PARD3B: variants seen among roughly 807,000 people sequenced by gnomAD.
PARD3B encodes partitioning defective 3 homolog B.
PARD3B carries 103 observed loss-of-function variants against 130.2 expected under a neutral mutation model. That is an observed-to-expected ratio of 0.79 (90% confidence interval 0.67 to 0.93). PARD3B has a LOEUF of 0.93. Ranked by LOEUF, PARD3B falls within the 40% of genes least tolerant of loss-of-function variation. The probability of loss-of-function intolerance (pLI) is 0.00; values close to 1 mark genes in which losing one functional copy is unlikely to be tolerated. For missense variants in PARD3B, 1,609 were observed against 1,499.2 expected, an observed-to-expected ratio of 1.07 and a Z score of -1.21; for synonymous variants, 583 against 553.2, an observed-to-expected ratio of 1.05 and a Z score of -0.76.
intron 21 of PARD3B, among the ~76,000 whole-genome samples, chr2:205,540,484 GTTCAATGCTATTGAAATCAAAACA>G (rs1359273312): frequency 6.6e-6 from 1 of 151,984 alleles, no homozygotes; most frequent in Non-Finnish European, 1.5e-5. Flanking sequence ...AATTCATATG[GTTCAATGCTATTGAAATCAAAACA>G]TTCAATGCAA....
chr2:204,652,374 A>G (rs2035509163), intron 1 of PARD3B, among the ~76,000 whole-genome samples: 1 of 152,166 alleles, frequency 6.6e-6, no homozygotes, highest in Non-Finnish European at 1.5e-5. Context: ...ATCCTCAATC[A>G]TCTCTCTCAA....
At chr2:205,090,191 A>G (rs2125537462) in intron 4 of PARD3B, among the ~76,000 whole-genome samples, 1 of 152,324 alleles carries the variant, frequency 6.6e-6, no homozygotes, top group South Asian at 2.1e-4. Flanking sequence ...CACTAATTAG[A>G]TATGGCGGAG....
Position 205,421,150 on chromosome 2 carries a change from CAAAAA to C in PARD3B, c.2742-19216_2742-19212del, listed in dbSNP as rs201677019. Reference sequence around the variant, plus strand: ...ATCTCAAAAAACAAAAAAAACAAAACAAAAAAAACGGAAAAGAAAATATGTGCTGT... The same window carrying C: ...ATCTCAAAAAACAAAAAAAACAAAACAAACGGAAAAGAAAATATGTGCTGT... On this transcript the variant is annotated intron_variant, in intron 19 of 22. Transcript: ENST00000406610. The surrounding 1 kb of genome is among the most constrained non-coding windows in gnomAD (Gnocchi z 5.1). Among the ~76,000 whole-genome samples the C allele has an allele frequency of 6.9e-4, 104 of 151,366 alleles. 2 individuals carry two copies. In the East Asian group the frequency reaches 0.02, roughly 29 times the overall value.
intron 2 of PARD3B, among the ~76,000 whole-genome samples, chr2:204,856,850 C>A (rs1323074419): frequency 6.6e-6 from 1 of 152,022 alleles, no homozygotes. Context: ...ACTTAGATTT[C>A]TTTCTGGGTT....
At chr2:205,609,393 A>G (rs1486623243) in intron 22 of PARD3B, among the ~76,000 whole-genome samples, 1 of 152,220 alleles carries the variant, frequency 6.6e-6, no homozygotes, top group Non-Finnish European at 1.5e-5. Context: ...GCTCAAGAAT[A>G]GCATGGCTCT....
chr2:204,652,203 A>G lies in PARD3B; in HGVS notation c.121-33978A>G, dbSNP rs1271805596. Among the ~76,000 whole-genome samples the G allele has an allele frequency of 2.6e-5, 4 of 151,888 alleles. No homozygotes were observed. The East Asian group carries it at 5.8e-4, about 22-fold the overall frequency. The stretch of plus-strand genomic sequence containing the variant: ...AAAATCAGTTTTTCTTTTCTCCCAC[A>G]TGGCCAGGCGCAAATTTTCCGAACT... On this transcript the variant is annotated intron_variant, in intron 1 of 22. Transcript: ENST00000406610.
chr2:205,355,333 T>C (rs2105860141), intron 18 of PARD3B, among the ~76,000 whole-genome samples: 1 of 152,280 alleles, frequency 6.6e-6, no homozygotes, highest in East Asian at 1.9e-4. Context: ...GATAAAAAAG[T>C]TTTGAACCAT....
At chr2:205,515,241 T>G (rs1014989694) in intron 21 of PARD3B, among the ~76,000 whole-genome samples, 5 of 152,202 alleles carry the variant, frequency 3.3e-5, no homozygotes, top group Admixed American at 3.3e-4. Flanking sequence ...ATCCAATCTG[T>G]TATTGGTGGA....
At chr2:204,861,189 TC>T (rs2045177490) in intron 2 of PARD3B, among the ~76,000 whole-genome samples, 1 of 146,444 alleles carries the variant, frequency 6.8e-6, no homozygotes, top group African/African-American at 2.6e-5. Flanking sequence ...TCTCTCTCTC[TC>T]TCTCTCTCTC....
At position 205,176,579 on chromosome 2, in the gene PARD3B, T is replaced by G; in HGVS notation, c.1924+2T>G. On this transcript the variant is annotated splice_donor_variant, in intron 13 of 22. Transcript: ENST00000406610. LOFTEE classifies it high-confidence loss of function. This position sits in a 1 kb window ranked among gnomAD's most constrained non-coding sequence, Gnocchi z 5.3. ...GCAGTCCACAAGACAAACAGAAAGGTAAGAGTCTATTCATTTTATCCACTG... is the reference window on the plus strand; with the variant it reads ...GCAGTCCACAAGACAAACAGAAAGGGAAGAGTCTATTCATTTTATCCACTG... The G allele has an allele frequency of 6.3e-7, 1 of 1,599,196 alleles. No homozygotes were observed. The highest frequency in any genetic ancestry group is 1.1e-5 in the South Asian group (1 of 88,406).
intron 18 of PARD3B, among the ~76,000 whole-genome samples, chr2:205,304,821 T>A (rs2042134247): frequency 6.6e-6 from 1 of 152,104 alleles, no homozygotes; most frequent in African/African-American, 2.4e-5. Context: ...GGCATGTGCC[T>A]ATAGTCCCAG....
intron 21 of PARD3B, among the ~76,000 whole-genome samples, chr2:205,503,421 C>T (rs996976328): frequency 1.1e-4 from 16 of 151,056 alleles, no homozygotes; most frequent in Non-Finnish European, 2.1e-4. Flanking sequence ...TTCTTTTATT[C>T]TCAAATTTGT....
In PARD3B at chr2:205,250,069, T is replaced by G. The variant is rs538021607; in HGVS notation, c.2185+4247T>G. Among the ~76,000 whole-genome samples, 30 of 152,178 alleles carry G rather than the reference T, an allele frequency of 2.0e-4. No homozygotes were observed. In the East Asian group the frequency reaches 5.6e-3, roughly 28 times the overall value. ...TAGCACAGCTTTTTTTTTATTGTTA[T>G]GCTTTAATTTTGCTTATACTCAGGG... is the stretch of plus-strand genomic sequence containing the variant. On this transcript the variant is annotated intron_variant, in intron 16 of 22. Coordinates refer to ENST00000406610, the MANE Select transcript of PARD3B (RefSeq NM_001302769.2).
chr2:205,119,738 C>T (rs1257601947), intron 7 of PARD3B, among the ~76,000 whole-genome samples: 7 of 152,026 alleles, frequency 4.6e-5, no homozygotes, highest in African/African-American at 7.2e-5. Flanking sequence ...GCCGAGATCG[C>T]GCCTTTGCAC....
chr2:204,798,663 A>C (rs2042459413), intron 2 of PARD3B, among the ~76,000 whole-genome samples: 1 of 151,992 alleles, frequency 6.6e-6, no homozygotes, highest in African/African-American at 2.4e-5. Flanking sequence ...GGGGAGAGTA[A>C]AGAGGACTTT....
chr2:205,196,829 C>T (rs1397924139), intron 15 of PARD3B, among the ~76,000 whole-genome samples: 1 of 152,104 alleles, frequency 6.6e-6, no homozygotes, highest in East Asian at 1.9e-4. Flanking sequence ...ATTAGTCCAT[C>T]TCATGTCAGC....
At position 205,616,135 on chromosome 2, in the gene PARD3B, G is replaced by A. The variant is rs1446227015; in HGVS notation, c.*322G>A. On this transcript the variant is annotated 3_prime_UTR_variant, in exon 23 of 23. Coordinates refer to ENST00000406610, the MANE Select transcript of PARD3B (RefSeq NM_001302769.2). ...ACAACTAATTATGGAACTCTACTCT[G>A]GGGATCCTCTCTGGCTAGATAACCT... The A allele has an allele frequency of 3.4e-6, 1 of 296,728 alleles. No homozygotes were observed. Among genetic ancestry groups the A allele is most frequent in the Admixed American group, 4.9e-5 (1 of 20,566 alleles). 18.4% of individuals were successfully genotyped at this position (296,728 alleles called of 1,614,324 possible).
intron 20 of PARD3B, among the ~76,000 whole-genome samples, chr2:205,462,132 G>A (rs1010683159): frequency 2.0e-5 from 3 of 152,118 alleles, no homozygotes; most frequent in Non-Finnish European, 4.4e-5. Context: ...TCTTTGGAAA[G>A]CTCTCATGAT....
intron 2 of PARD3B, among the ~76,000 whole-genome samples, chr2:204,892,236 A>G (rs2046475420): frequency 6.6e-6 from 1 of 152,168 alleles, no homozygotes; most frequent in Non-Finnish European, 1.5e-5. Flanking sequence ...AGGCTCTTCC[A>G]GCAGGAGCAA....
Sources: allele counts gnomAD v4.1 joint callset (sites outside exome capture counted in the v4.1 genomes callset), GRCh38; gene constraint gnomAD v4.1.1; non-coding constraint Gnocchi (gnomAD v3.1); transcripts MANE v1.5; gene names NCBI Gene and HGNC (gene_info 2026-07-23, HGNC 2026-07-21).